Variants in ERC1 observed in about 807,000 individuals in gnomAD.
ERC1 encodes the protein ELKS/RAB6-interacting/CAST family member 1, also known as RAB6 interacting protein 2.
ERC1 carries 56 observed loss-of-function variants against 132.0 expected under a neutral mutation model. That is an observed-to-expected ratio of 0.42 (90% CI 0.34 to 0.53). ERC1 has a LOEUF of 0.53. ERC1 is among the 20% of genes least tolerant of loss of function. The pLI, the probability that ERC1 is intolerant of heterozygous loss-of-function variation, is 0.03. For missense variants in ERC1, 1,202 were observed against 1,349.9 expected (o/e 0.89, Z 1.72); for synonymous variants, 478 against 476.1 (o/e 1.00, Z -0.05).
intron 16 of ERC1, among the ~76,000 whole-genome samples, chr12:1,395,832 T>G (rs2090492188): frequency 6.6e-6 from 1 of 152,078 alleles, no homozygotes; most frequent in Non-Finnish European, 1.5e-5. Flanking sequence ...GTAGTTTTCA[T>G]GGGAAATATG....
chr12:1,373,549 A>G (rs988337323), intron 16 of ERC1, among the ~76,000 whole-genome samples: 1 of 152,256 alleles, frequency 6.6e-6, no homozygotes, highest in Non-Finnish European at 1.5e-5. Flanking sequence ...TGGGAGGCCA[A>G]GGCGGGTGGA....
At chr12:1,170,535 G>T (rs1377608251) in intron 8 of ERC1, among the ~76,000 whole-genome samples, 1 of 152,086 alleles carries the variant, frequency 6.6e-6, no homozygotes, top group Non-Finnish European at 1.5e-5. Context: ...GCCACAGAAG[G>T]ATTGCCGTTG....
intron 16 of ERC1, among the ~76,000 whole-genome samples, chr12:1,399,581 T>C (rs1226210876): frequency 6.6e-6 from 1 of 152,206 alleles, no homozygotes; most frequent in Non-Finnish European, 1.5e-5. Context: ...CAACCACTGA[T>C]CTACTTTCTC....
intron 8 of ERC1, among the ~76,000 whole-genome samples, chr12:1,161,505 G>C (rs1451501396): frequency 1.3e-5 from 2 of 152,120 alleles, no homozygotes; most frequent in Non-Finnish European, 2.9e-5. Context: ...GAAATCACTT[G>C]CTCCCTGGCA....
intron 15 of ERC1, among the ~76,000 whole-genome samples, chr12:1,320,868 A>G (rs2082070648): frequency 6.6e-6 from 1 of 151,726 alleles, no homozygotes; most frequent in Middle Eastern, 3.2e-3. Context: ...CGCCCAGCTA[A>G]TTTTTTGTAT....
chr12:1,304,211 C>G (rs898428692), intron 15 of ERC1, among the ~76,000 whole-genome samples: 1 of 152,140 alleles, frequency 6.6e-6, no homozygotes, highest in Admixed American at 6.5e-5. Flanking sequence ...CCACTACAGT[C>G]AAGATTTTAA....
intron 12 of ERC1, among the ~76,000 whole-genome samples, chr12:1,216,599 G>A (rs1337692526): frequency 2.1e-5 from 3 of 141,878 alleles, no homozygotes; most frequent in African/African-American, 5.2e-5. Flanking sequence ...GCCTTGGTGG[G>A]GTCGGGGAGG....
intron 3 of ERC1, among the ~76,000 whole-genome samples, chr12:1,084,862 T>C (rs1942762420): frequency 6.6e-6 from 1 of 151,980 alleles, no homozygotes; most frequent in Non-Finnish European, 1.5e-5. Context: ...TTGTTAATTT[T>C]TAAATTAAAA....
chr12:1,096,703 C>T (rs1393062168), intron 3 of ERC1, among the ~76,000 whole-genome samples: 1 of 152,132 alleles, frequency 6.6e-6, no homozygotes, highest in Admixed American at 6.6e-5. Context: ...ATTTTAAAAA[C>T]TCTTTTTTGA....
At chr12:1,340,960 T>C (rs1007249517) in intron 15 of ERC1, among the ~76,000 whole-genome samples, 4 of 152,052 alleles carry the variant, frequency 2.6e-5, no homozygotes, top group Non-Finnish European at 5.9e-5. Context: ...AAGGGGTACA[T>C]TGCCAGTATA....
intron 18 of ERC1, among the ~76,000 whole-genome samples, chr12:1,485,206 T>TTTC (rs1555129762): frequency 7.3e-6 from 1 of 137,150 alleles, no homozygotes; most frequent in Non-Finnish European, 1.6e-5. Flanking sequence ...TATTTCTTTT[T>TTTC]TTTTTTTTTT....
At chr12:1,265,866 T>A (rs1247636508) in intron 14 of ERC1, among the ~76,000 whole-genome samples, 1 of 152,214 alleles carries the variant, frequency 6.6e-6, no homozygotes, top group African/African-American at 2.4e-5. Flanking sequence ...GGTTCTTCTT[T>A]TTGTGGCTTG....
chr12:1,259,770 G>T (rs572743870), intron 13 of ERC1, among the ~76,000 whole-genome samples: 1 of 151,976 alleles, frequency 6.6e-6, no homozygotes, highest in Non-Finnish European at 1.5e-5. Context: ...TGATCCACCC[G>T]CCTTGGCCTC....
intron 13 of ERC1, among the ~76,000 whole-genome samples, chr12:1,258,477 CCTTA>C (rs1342113447): frequency 6.6e-6 from 1 of 152,176 alleles, no homozygotes; most frequent in African/African-American, 2.4e-5. Context: ...TAGCACATCC[CCTTA>C]CTTCATCGAT....
intron 12 of ERC1, among the ~76,000 whole-genome samples, chr12:1,215,136 C>A (rs1958271229): frequency 6.6e-6 from 1 of 152,108 alleles, no homozygotes; most frequent in African/African-American, 2.4e-5. Context: ...CAATGAAATA[C>A]CCTATGTAGT....
At chr12:1,129,105 C>T (rs922343153) in intron 7 of ERC1, among the ~76,000 whole-genome samples, 1 of 152,152 alleles carries the variant, frequency 6.6e-6, no homozygotes, top group African/African-American at 2.4e-5. Context: ...TTCTTCAATT[C>T]AGGAACAAAT....
In ERC1 at chr12:1,493,548, A is replaced by AATATATATATATATATATATATATATAT. The variant is rs1555139790; in HGVS notation, c.*3321_*3348dup. On this transcript the variant is annotated 3_prime_UTR_variant, in exon 19 of 19. Transcript: ENST00000360905. ...ACTCCATTTAAAAAAAAAAAAAAAA[A>AATATATATATATATATATATATATATAT]ATATATATATATATATATATATATA... 2 of 13,616 alleles carry AATATATATATATATATATATATATATAT rather than the reference A, an allele frequency of 1.5e-4. No individual in the cohort carries two copies. 0.8% of individuals were successfully genotyped at this position (13,616 alleles called of 1,614,324 possible). A position where few individuals can be genotyped will look rare whatever the true frequency, so the allele number is the denominator to read the frequency against.
chr12:1,436,156 A>G (rs1398643033), intron 17 of ERC1, among the ~76,000 whole-genome samples: 1 of 84,806 alleles, frequency 1.2e-5, no homozygotes, highest in East Asian at 2.6e-4. Context: ...AGACAGACGG[A>G]CACACACACA....
upstream of ERC1, among the ~76,000 whole-genome samples, chr12:990,864 AG>A (rs1959176576): frequency 6.6e-6 from 1 of 151,670 alleles, no homozygotes; most frequent in Non-Finnish European, 1.5e-5. Context: ...TACGGCAAGC[AG>A]GAGGAGACAA....
Sources: allele counts gnomAD v4.1 joint callset (sites outside exome capture counted in the v4.1 genomes callset), GRCh38; gene constraint gnomAD v4.1.1; transcripts MANE v1.5; gene names NCBI Gene and HGNC (gene_info 2026-07-23, HGNC 2026-07-21).